The following TGM2 variants were observed in gnomAD, a reference collection of about 807,000 sequenced individuals.
The protein encoded by TGM2 is protein-glutamine gamma-glutamyltransferase 2.
A neutral mutation model predicts 75.6 loss-of-function variants in TGM2; 53 were observed. The ratio of observed to expected loss-of-function variants is 0.70; its 90% CI spans 0.56 to 0.88. The LOEUF is 0.88. Among genes scored for constraint, TGM2 ranks in the 40% least tolerant of loss-of-function variants. The probability of loss-of-function intolerance (pLI) is 0.00; values close to 1 mark genes in which losing one functional copy is unlikely to be tolerated. For synonymous variants in TGM2, 374 were observed against 381.1 expected, an observed-to-expected ratio of 0.98 and a Z score of 0.22; for missense variants, 842 against 928.5, an observed-to-expected ratio of 0.91 and a Z score of 1.21.
Position 38,161,574 on chromosome 20 carries a change from C to T in TGM2, c.36G>A (p.Leu12=). The change falls in exon 2 of 13, where the codon CTG becomes CTA. Residue 12 remains leucine, a synonymous_variant. Transcript: ENST00000361475. ...GGTCTCGGCCATTGGTCTCCAGCTC[C>T]AGATCACACCTCTCTAAGACCAGCT... ...AEELVLERCD[L]ELETNGRDHH... The T allele has an allele frequency of 1.9e-6, 3 of 1,614,186 alleles. No homozygotes were observed. The highest frequency in any genetic ancestry group is 1.7e-5 in the Admixed American group (1 of 60,024).
chr20:38,132,372 G>A lies in TGM2; in HGVS notation c.1744C>T (p.Leu582Phe). 6.2e-7 allele frequency: 1 copy of A among 1,614,140 alleles called. No individual in the cohort carries two copies. The highest frequency in any genetic ancestry group is 8.5e-7 in the Non-Finnish European group (1 of 1,180,024). ...TTGATTTCTGGATTCTCCAGGTAGA[G>A]GTCCCTCTCAGCCAGCAGGTAGCTG... is the stretch of plus-strand genomic sequence containing the variant. ...INSYLLAERD[L>F]YLENPEIKIR... The change falls in exon 11 of 13, where the codon CTC becomes TTC. Residue 582 changes from leucine (L) to phenylalanine (F), a missense_variant. Physicochemically the swap from Leu to Phe is conservative, Grantham distance 22 (BLOSUM62 0). Coordinates refer to ENST00000361475, the MANE Select transcript of TGM2 (RefSeq NM_004613.4).
chr20:38,160,628 G>A (rs1211864763), intron 2 of TGM2, among the ~76,000 whole-genome samples: 2 of 152,216 alleles, frequency 1.3e-5, no homozygotes, highest in African/African-American at 2.4e-5. Context: ...GTCCAGCCCC[G>A]GAGATTGAGG....
rs578186228 is a variant in TGM2 at position 38,132,991 on chromosome 20, A to G, written c.1616-491T>C. The G allele has an allele frequency of 2.2e-3, 832 of 385,662 alleles. 2 individuals are homozygous for G. The highest frequency in any genetic ancestry group is 3.1e-3 in the Non-Finnish European group (591 of 190,194). The allele number at this position is 385,662 out of a possible 1,614,324, so 23.9% of individuals were successfully genotyped here. On this transcript the variant is annotated intron_variant, in intron 10 of 12. Coordinates refer to ENST00000361475, the MANE Select transcript of TGM2 (RefSeq NM_004613.4). ...ACTTCCCACGGCGGGCTCCTACTTC[A>G]CCTACATGACAACCCTAAAAGGCTT...
chr20:38,146,449 T>A (rs1437601483), intron 6 of TGM2: 2 of 538,732 alleles, frequency 3.7e-6, no homozygotes, highest in African/African-American at 3.9e-5. Flanking sequence ...AAATCCTGAG[T>A]TTTTGAGAAC....
intron 1 of TGM2, among the ~76,000 whole-genome samples, chr20:38,163,230 A>T (rs2075275591): frequency 7.0e-6 from 1 of 142,550 alleles, no homozygotes; most frequent in African/African-American, 2.5e-5. Context: ...GAAGCCCTTA[A>T]GGTGGGAGGA....
chr20:38,156,229 T>C, intron 2 of TGM2, 140 bp from the exon 3 acceptor site: 1 of 1,116,030 alleles, frequency 9.0e-7, no homozygotes, highest in South Asian at 1.6e-5. Flanking sequence ...GAAGTTTGTC[T>C]CCCTGAGCCT....
chr20:38,151,487 G>A (rs1427568601), intron 3 of TGM2, among the ~76,000 whole-genome samples: 1 of 152,200 alleles, frequency 6.6e-6, no homozygotes, highest in Non-Finnish European at 1.5e-5. Context: ...CTTGCTGTGT[G>A]ACCCTGGGTA....
intron 2 of TGM2, among the ~76,000 whole-genome samples, chr20:38,156,652 T>C (rs2075191578): frequency 6.6e-6 from 1 of 152,122 alleles, no homozygotes; most frequent in Non-Finnish European, 1.5e-5. Context: ...AGCCTCAAGG[T>C]GTCTGTCTCC....
Position 38,130,198 on chromosome 20 carries a change from C to G in TGM2, c.*21G>C. ...TTGGGATCAAGGTGGGGGCTCTCAGCAGGCTGGGAGCAGGGGTCCCTTAGG... is the reference window on the plus strand; with the variant it reads ...TTGGGATCAAGGTGGGGGCTCTCAGGAGGCTGGGAGCAGGGGTCCCTTAGG... On this transcript the variant is annotated 3_prime_UTR_variant, in exon 13 of 13. Coordinates refer to ENST00000361475, the MANE Select transcript of TGM2 (RefSeq NM_004613.4). 6.2e-7 allele frequency: 1 copy of G among 1,612,934 alleles called. No homozygotes were observed. Among genetic ancestry groups the G allele is most frequent in the Non-Finnish European group, 8.5e-7 (1 of 1,179,762 alleles).
intron 8 of TGM2, 45 bp from the exon 9 acceptor site, chr20:38,139,699 G>A (rs544920558): frequency 1.7e-5 from 28 of 1,611,786 alleles, no homozygotes; most frequent in Admixed American, 8.4e-5. Context: ...GGTGAAGGTT[G>A]GGTGGTGTCC....
intron 6 of TGM2, 78 bp downstream of exon 6, chr20:38,146,639 G>A: frequency 1.3e-6 from 2 of 1,549,794 alleles, no homozygotes; most frequent in South Asian, 1.1e-5. Flanking sequence ...ACCAGGGCAG[G>A]GATGTCCTGA....
At chr20:38,131,346 A>G (rs913061014) in intron 11 of TGM2, 117 bp from the exon 12 acceptor site, 22 of 1,408,476 alleles carry the variant, frequency 1.6e-5, no homozygotes, top group Non-Finnish European at 2.1e-5. Context: ...GTCTGCCACG[A>G]TCACCCCCCC....
At chr20:38,166,913 C>T (rs148165577), upstream of TGM2, among the ~76,000 whole-genome samples, 4 of 152,244 alleles carry the variant, frequency 2.6e-5, no homozygotes, top group Admixed American at 6.5e-5. Flanking sequence ...ATCACCCGAC[C>T]GAGAGGGAAG....
chr20:38,146,583 C>T (rs988062723), intron 6 of TGM2, 134 bp downstream of exon 6: 3 of 1,086,954 alleles, frequency 2.8e-6, no homozygotes, highest in Non-Finnish European at 4.1e-6. Context: ...TGGTCACAGG[C>T]TCTAGGCCAC....
intron 6 of TGM2, 84 bp downstream of exon 6, chr20:38,146,633 G>T: frequency 6.5e-7 from 1 of 1,533,562 alleles, no homozygotes; most frequent in Non-Finnish European, 8.9e-7. Context: ...GGCAGGACCA[G>T]GGCAGGGATG....
chr20:38,149,679 A>AG, intron 4 of TGM2, among the ~76,000 whole-genome samples: 1 of 117,720 alleles, frequency 8.5e-6, no homozygotes, highest in Non-Finnish European at 1.7e-5. Flanking sequence ...ACTCCGCCTC[A>AG]AAAAAAAAAA....
chr20:38,132,570 G>A (rs1219954600), intron 10 of TGM2, 70 bp from the exon 11 acceptor site: 1 of 1,587,268 alleles, frequency 6.3e-7, no homozygotes, highest in Non-Finnish European at 8.6e-7. Context: ...GCAACTCCAA[G>A]AGGCACAGAG....
At chr20:38,132,244 G>A (rs1600477115) in intron 11 of TGM2, 96 bp downstream of exon 11, 1 of 1,413,168 alleles carries the variant, frequency 7.1e-7, no homozygotes, top group East Asian at 2.3e-5. Context: ...TCTGGAGCTT[G>A]CAGGGATGCA....
chr20:38,150,157 T>G (rs1388748717), intron 4 of TGM2, among the ~76,000 whole-genome samples: 1 of 152,180 alleles, frequency 6.6e-6, no homozygotes, highest in Non-Finnish European at 1.5e-5. Flanking sequence ...GGCTGGATGA[T>G]AAATGAAATT....
Sources: allele counts gnomAD v4.1 joint callset (sites outside exome capture counted in the v4.1 genomes callset), GRCh38; gene constraint gnomAD v4.1.1; transcripts MANE v1.5; gene names NCBI Gene and HGNC (gene_info 2026-07-23, HGNC 2026-07-21).